Variants in GRXCR1 observed in about 807,000 individuals in gnomAD.
GRXCR1 encodes glutaredoxin domain-containing cysteine-rich protein 1.
Under a neutral mutation model 27.3 loss-of-function variants are expected in GRXCR1, and 27 were observed. The ratio of observed to expected loss-of-function variants is 0.99; its 90% CI spans 0.73 to 1.37. The LOEUF is 1.37. Among genes scored for constraint, GRXCR1 ranks in the 40% most tolerant of loss-of-function variants. The pLI, the probability that GRXCR1 is intolerant of heterozygous loss-of-function variation, is 0.00. For missense variants in GRXCR1, 379 were observed against 354.4 expected (o/e 1.07, Z -0.56); for synonymous variants, 122 against 131.1 (o/e 0.93, Z 0.47).
At chr4:42,970,988 T>C (rs1748372286) in intron 2 of GRXCR1, among the ~76,000 whole-genome samples, 1 of 152,160 alleles carries the variant, frequency 6.6e-6, no homozygotes, top group African/African-American at 2.4e-5. Context: ...ACATCTTAAA[T>C]GCTTTGCTGC....
intron 1 of GRXCR1, among the ~76,000 whole-genome samples, chr4:42,911,858 T>C (rs970835292): frequency 6.6e-6 from 1 of 152,156 alleles, no homozygotes; most frequent in Admixed American, 6.5e-5. Context: ...GTGATATAAC[T>C]TACATTAAAA....
intron 1 of GRXCR1, among the ~76,000 whole-genome samples, chr4:42,957,562 A>G (rs1283921420): frequency 6.6e-6 from 1 of 151,710 alleles, no homozygotes; most frequent in Non-Finnish European, 1.5e-5. Context: ...TAACTCTTAG[A>G]TTTACTTCTT....
chr4:43,012,704 C>T lies in GRXCR1; in HGVS notation c.628-7650C>T, dbSNP rs992357063. On this transcript the variant is annotated intron_variant, in intron 2 of 3. Coordinates refer to ENST00000399770, the MANE Select transcript of GRXCR1 (RefSeq NM_001080476.3). ...CATTTTACAAATGAGAAAATTGAGT[C>T]TTTAATAGTTGAAGTTATTTGTCCA... 2.0e-5 allele frequency among the ~76,000 whole-genome samples: 3 copies of T among 152,170 alleles called. No individual in the cohort carries two copies. In the South Asian group the frequency reaches 6.2e-4, roughly 32 times the overall value.
intron 1 of GRXCR1, among the ~76,000 whole-genome samples, chr4:42,959,329 A>C (rs79323612): frequency 0.015 from 2,299 of 152,044 alleles, 19 homozygotes; most frequent in Non-Finnish European, 0.023. Flanking sequence ...GCAGAGAAAG[A>C]AAAATACTGC....
intron 2 of GRXCR1, among the ~76,000 whole-genome samples, chr4:42,978,201 G>C (rs1238596616): frequency 6.6e-6 from 1 of 152,006 alleles, no homozygotes; most frequent in African/African-American, 2.4e-5. Flanking sequence ...TGCTGCTTTG[G>C]CTACTATAGC....
intron 1 of GRXCR1, among the ~76,000 whole-genome samples, chr4:42,908,075 A>G (rs1369147327): frequency 6.6e-6 from 1 of 152,094 alleles, no homozygotes; most frequent in African/African-American, 2.4e-5. Context: ...CATCAGCCAC[A>G]CCTTCGAGAT....
At chr4:42,925,364 A>G (rs909925695) in intron 1 of GRXCR1, among the ~76,000 whole-genome samples, 1 of 152,072 alleles carries the variant, frequency 6.6e-6, no homozygotes, top group Admixed American at 6.6e-5. Flanking sequence ...TACTCAAGGA[A>G]TGTAAAAAAC....
chr4:42,902,969 T>A (rs1390062050), intron 1 of GRXCR1, among the ~76,000 whole-genome samples: 1 of 152,164 alleles, frequency 6.6e-6, no homozygotes, highest in Non-Finnish European at 1.5e-5. Context: ...GGGAAATAAC[T>A]ATGATCTCAG....
chr4:42,983,280 C>T (rs1254703601), intron 2 of GRXCR1, among the ~76,000 whole-genome samples: 1 of 145,394 alleles, frequency 6.9e-6, no homozygotes, highest in Non-Finnish European at 1.5e-5. Context: ...ATATGGCTAG[C>T]CAGTTTTCCC....
At chr4:42,983,539 G>A (rs1452984269) in intron 2 of GRXCR1, among the ~76,000 whole-genome samples, 2 of 151,506 alleles carry the variant, frequency 1.3e-5, no homozygotes, top group Non-Finnish European at 3.0e-5. Flanking sequence ...GGCGATGCGG[G>A]CTCTTTTTTG....
At chr4:42,976,705 TTGTA>T (rs1379063335) in intron 2 of GRXCR1, among the ~76,000 whole-genome samples, 1 of 152,000 alleles carries the variant, frequency 6.6e-6, no homozygotes, top group Non-Finnish European at 1.5e-5. Context: ...ACAGATAAAA[TTGTA>T]TGTGTTTATC....
intron 2 of GRXCR1, among the ~76,000 whole-genome samples, chr4:43,003,065 G>T (rs540710177): frequency 6.6e-6 from 1 of 152,226 alleles, no homozygotes; most frequent in East Asian, 1.9e-4. Flanking sequence ...ACATGAAGAA[G>T]ATCCTTTCTT....
chr4:42,901,870 C>T (rs1287036197), intron 1 of GRXCR1, among the ~76,000 whole-genome samples: 3 of 152,128 alleles, frequency 2.0e-5, no homozygotes, highest in Non-Finnish European at 4.4e-5. Context: ...ATGTGACTTC[C>T]TTTGGCTGAA....
chr4:42,922,878 A>C (rs1245839396), intron 1 of GRXCR1, among the ~76,000 whole-genome samples: 3 of 152,062 alleles, frequency 2.0e-5, no homozygotes, highest in Admixed American at 2.0e-4. Flanking sequence ...CACTTCACCT[A>C]CGGTATCCTC....
chr4:43,004,412 C>T (rs1712483805), intron 2 of GRXCR1, among the ~76,000 whole-genome samples: 1 of 152,164 alleles, frequency 6.6e-6, no homozygotes, highest in South Asian at 2.1e-4. Flanking sequence ...TGGGGCACTG[C>T]CCAGTGGAAC....
chr4:42,984,711 G>T (rs1711625616), intron 2 of GRXCR1, among the ~76,000 whole-genome samples: 1 of 152,176 alleles, frequency 6.6e-6, no homozygotes, highest in Non-Finnish European at 1.5e-5. Flanking sequence ...TGCTGTAGTT[G>T]GTGGAACACT....
chr4:42,945,509 A>C (rs150604261), intron 1 of GRXCR1, among the ~76,000 whole-genome samples: 1 of 151,972 alleles, frequency 6.6e-6, no homozygotes, highest in Admixed American at 6.6e-5. Flanking sequence ...GGCATCTTCT[A>C]TACTTATATT....
intron 1 of GRXCR1, among the ~76,000 whole-genome samples, chr4:42,952,547 T>C (rs978337676): frequency 6.6e-6 from 1 of 152,148 alleles, no homozygotes; most frequent in Non-Finnish European, 1.5e-5. Flanking sequence ...TTGTCAGTAG[T>C]TGTACTTCTT....
At chr4:42,945,819 T>C (rs1747730614) in intron 1 of GRXCR1, among the ~76,000 whole-genome samples, 1 of 152,184 alleles carries the variant, frequency 6.6e-6, no homozygotes, top group South Asian at 2.1e-4. Flanking sequence ...TTATTCCTCC[T>C]TTCTCTTCTC....
Sources: gnomAD v4.1 joint callset for allele counts (sites outside exome capture counted in the v4.1 genomes callset) on GRCh38, gnomAD v4.1.1 for gene constraint, MANE v1.5 for transcripts, NCBI Gene and HGNC (gene_info 2026-07-23, HGNC 2026-07-21) for gene names.